MAP3K7CL: variants seen among roughly 807,000 people sequenced by gnomAD.
The protein encoded by MAP3K7CL is MAP3K7 C-terminal-like protein.
A neutral mutation model predicts 18.6 loss-of-function variants in MAP3K7CL; 16 were observed. That is an observed-to-expected ratio of 0.86 (90% CI 0.58 to 1.31). The LOEUF (loss-of-function observed/expected upper bound fraction) is 1.31. Ranked by LOEUF, MAP3K7CL falls within the 50% of genes most tolerant of loss-of-function variation. MAP3K7CL has a pLI of 0.00. For synonymous variants in MAP3K7CL, 65 were observed against 66.8 expected, an observed-to-expected ratio of 0.97 and a Z score of 0.13; for missense variants, 163 against 174.4, an observed-to-expected ratio of 0.93 and a Z score of 0.37.
At chr21:29,167,027 A>G (rs916022896) in intron 4 of MAP3K7CL, among the ~76,000 whole-genome samples, 13 of 152,188 alleles carry the variant, frequency 8.5e-5, no homozygotes, top group Non-Finnish European at 1.9e-4. Flanking sequence ...CCAGCAGTGT[A>G]TCAAGGTTCC....
At chr21:29,135,341 C>A (rs1042907339) in intron 2 of MAP3K7CL, among the ~76,000 whole-genome samples, 2 of 152,146 alleles carry the variant, frequency 1.3e-5, no homozygotes, top group Non-Finnish European at 2.9e-5. Flanking sequence ...TCAAGACACA[C>A]GCGTGCAAAC....
At chr21:29,160,192 A>G (rs1247927290) in intron 4 of MAP3K7CL, 136 bp downstream of exon 4, 5 of 588,244 alleles carry the variant, frequency 8.5e-6, no homozygotes, top group South Asian at 5.0e-5. Context: ...AAGTGGTGCT[A>G]TTGGAGATTA....
intron 4 of MAP3K7CL, chr21:29,109,044 A>T: frequency 1.3e-6 from 2 of 1,531,558 alleles, no homozygotes; most frequent in South Asian, 2.4e-5. Flanking sequence ...TACTAGGTTG[A>T]CATTCGTAAC....
At chr21:29,131,925 GA>G (rs2086788368) in intron 1 of MAP3K7CL, among the ~76,000 whole-genome samples, 1 of 152,180 alleles carries the variant, frequency 6.6e-6, no homozygotes, top group Non-Finnish European at 1.5e-5. Flanking sequence ...GAAAAAGTCA[GA>G]AACCGTGCTG....
At chr21:29,106,156 A>G (rs1012045008) in intron 4 of MAP3K7CL, among the ~76,000 whole-genome samples, 1 of 152,142 alleles carries the variant, frequency 6.6e-6, no homozygotes, top group Admixed American at 6.5e-5. Context: ...CATGTCAAGG[A>G]TAAGACTCCT....
At chr21:29,107,467 C>T (rs755140082) in intron 4 of MAP3K7CL, among the ~76,000 whole-genome samples, 11 of 152,108 alleles carry the variant, frequency 7.2e-5, no homozygotes, top group Non-Finnish European at 1.2e-4. Flanking sequence ...ATTTTGTTTC[C>T]GCAGGAAAAG....
At chr21:29,091,859 G>A in intron 3 of MAP3K7CL, 1 of 620,044 alleles carries the variant, frequency 1.6e-6, no homozygotes, top group Non-Finnish European at 2.9e-6. Context: ...TGTATTAATT[G>A]TTTATACATA....
At chr21:29,163,785 C>T (rs546260338) in intron 4 of MAP3K7CL, among the ~76,000 whole-genome samples, 1 of 151,262 alleles carries the variant, frequency 6.6e-6, no homozygotes, top group Non-Finnish European at 1.5e-5. Flanking sequence ...AGCCTCAACC[C>T]CCTGAGCTCA....
At chr21:29,077,476 C>T (rs1352936173), upstream of MAP3K7CL, 2 of 153,352 alleles carry the variant, frequency 1.3e-5, no homozygotes, top group Non-Finnish European at 2.9e-5. Context: ...CCGCGCGCAG[C>T]CCCGGTTCCT....
intron 4 of MAP3K7CL, among the ~76,000 whole-genome samples, chr21:29,123,294 C>T (rs1415637932): frequency 6.6e-6 from 1 of 152,102 alleles, no homozygotes; most frequent in Non-Finnish European, 1.5e-5. Context: ...AAATTCCTGA[C>T]CTCAGGTGAT....
intron 1 of MAP3K7CL, chr21:29,131,164 G>A (rs2086773451): frequency 6.6e-6 from 1 of 152,554 alleles, no homozygotes; most frequent in South Asian, 2.1e-4. Context: ...CGGAGGGGAG[G>A]GACTCTAATT....
upstream of MAP3K7CL, among the ~76,000 whole-genome samples, chr21:29,084,033 T>C (rs1443932769): frequency 6.8e-6 from 1 of 147,930 alleles, no homozygotes; most frequent in Non-Finnish European, 1.5e-5. Flanking sequence ...ATATGTAATA[T>C]AATTATATAT....
intron 3 of MAP3K7CL, among the ~76,000 whole-genome samples, chr21:29,152,400 A>C (rs1207232839): frequency 2.0e-5 from 3 of 152,192 alleles, no homozygotes; most frequent in African/African-American, 7.2e-5. Flanking sequence ...AGAGCAGGCC[A>C]TCTTTATAGT....
At chr21:29,092,446 G>A in exon 4 of MAP3K7CL, 9 of 1,614,192 alleles carry the variant, frequency 5.6e-6, no homozygotes, top group Non-Finnish European at 7.6e-6. Flanking sequence ...TAGTATTTCA[G>A]TTTTATGCTC....
chr21:29,161,458 A>G (rs999860960), intron 4 of MAP3K7CL, among the ~76,000 whole-genome samples: 3 of 152,140 alleles, frequency 2.0e-5, no homozygotes, highest in African/African-American at 7.2e-5. Flanking sequence ...GGCTGCTAAG[A>G]TGAATTGTTA....
chr21:29,153,138 A>G (rs1422876428), intron 3 of MAP3K7CL, among the ~76,000 whole-genome samples: 1 of 152,254 alleles, frequency 6.6e-6, no homozygotes, highest in African/African-American at 2.4e-5. Context: ...CTTGTGCAAG[A>G]ATAGCAGTGA....
chr21:29,155,798 T>C (rs975407363), intron 3 of MAP3K7CL, among the ~76,000 whole-genome samples: 1 of 152,192 alleles, frequency 6.6e-6, no homozygotes. Context: ...TATCTCCTCC[T>C]GGGCTGTGAC....
At chr21:29,160,671 A>G (rs1037459846) in intron 4 of MAP3K7CL, among the ~76,000 whole-genome samples, 1 of 152,194 alleles carries the variant, frequency 6.6e-6, no homozygotes, top group Non-Finnish European at 1.5e-5. Context: ...TTATACTTGC[A>G]AAGCTTCAGA....
intron 4 of MAP3K7CL, among the ~76,000 whole-genome samples, chr21:29,108,652 C>T (rs1411904890): frequency 6.6e-6 from 1 of 152,176 alleles, no homozygotes. Flanking sequence ...AACCACTCCC[C>T]TCTCTGAGTC....
Sources: gnomAD v4.1 joint callset for allele counts (sites outside exome capture counted in the v4.1 genomes callset) on GRCh38, gnomAD v4.1.1 for gene constraint, MANE v1.5 for transcripts, NCBI Gene and HGNC (gene_info 2026-07-23, HGNC 2026-07-21) for gene names.